Variants in RMDN2 observed in about 807,000 individuals in gnomAD.
The protein encoded by RMDN2 is regulator of microtubule dynamics protein 2.
RMDN2 carries 61 observed loss-of-function variants against 52.8 expected under a neutral mutation model. The ratio of observed to expected loss-of-function variants is 1.16; its 90% CI spans 0.94 to 1.43. The LOEUF (loss-of-function observed/expected upper bound fraction) is 1.43, where lower values mean the gene tolerates loss of function less well. Among genes scored for constraint, RMDN2 ranks in the 40% most tolerant of loss-of-function variants. RMDN2 has a pLI of 0.00. For missense variants in RMDN2, 592 were observed against 475.3 expected, an observed-to-expected ratio of 1.25 and a Z score of -2.28; for synonymous variants, 180 against 153.1, an observed-to-expected ratio of 1.18 and a Z score of -1.30.
chr2:37,977,603 G>C (rs918000982), intron 4 of RMDN2, among the ~76,000 whole-genome samples: 1 of 151,998 alleles, frequency 6.6e-6, no homozygotes, highest in Non-Finnish European at 1.5e-5. Flanking sequence ...TCACTTCTCA[G>C]ACCGGGCGGC....
At chr2:37,955,047 A>G (rs1415137339) in intron 2 of RMDN2, among the ~76,000 whole-genome samples, 1 of 152,112 alleles carries the variant, frequency 6.6e-6, no homozygotes, top group East Asian at 1.9e-4. Context: ...TTGATTTTCT[A>G]TCCTGCAATT....
downstream of RMDN2, among the ~76,000 whole-genome samples, chr2:38,018,219 AT>A (rs1402282822): frequency 1.3e-5 from 2 of 152,148 alleles, no homozygotes; most frequent in African/African-American, 4.8e-5. Flanking sequence ...TTTTTTCTTC[AT>A]TCGGAAAGCA....
chr2:37,948,930 C>G (rs72887120), intron 2 of RMDN2, among the ~76,000 whole-genome samples: 1 of 152,132 alleles, frequency 6.6e-6, no homozygotes, highest in Non-Finnish European at 1.5e-5. Flanking sequence ...GCTCAGTGAG[C>G]AGATGCTTCT....
chr2:37,934,988 G>A (rs970681827), intron 2 of RMDN2, among the ~76,000 whole-genome samples: 3 of 152,034 alleles, frequency 2.0e-5, no homozygotes, highest in African/African-American at 7.2e-5. Flanking sequence ...TTTCACTGTG[G>A]GCTTTAGGAA....
chr2:38,053,280 A>C (rs1274928650), intron 10 of RMDN2, among the ~76,000 whole-genome samples: 1 of 152,166 alleles, frequency 6.6e-6, no homozygotes, highest in Non-Finnish European at 1.5e-5. Context: ...CTAAGACCAA[A>C]TATACAACAA....
At chr2:38,028,579 C>T (rs1245165027) in intron 10 of RMDN2, among the ~76,000 whole-genome samples, 3 of 152,204 alleles carry the variant, frequency 2.0e-5, no homozygotes, top group Non-Finnish European at 2.9e-5. Flanking sequence ...AGCCCTTCTT[C>T]CCAGGGTGAG....
chr2:38,026,017 T>C (rs532345052), intron 10 of RMDN2, among the ~76,000 whole-genome samples: 3 of 152,112 alleles, frequency 2.0e-5, no homozygotes, highest in African/African-American at 7.2e-5. Context: ...CTATGTAGAA[T>C]TGATATCGTT....
At chr2:37,985,804 G>C (rs1191491820) in intron 5 of RMDN2, among the ~76,000 whole-genome samples, 1 of 152,056 alleles carries the variant, frequency 6.6e-6, no homozygotes, top group Non-Finnish European at 1.5e-5. Flanking sequence ...AGGAAGGATG[G>C]AGAGAAAGAT....
intron 2 of RMDN2, among the ~76,000 whole-genome samples, chr2:37,934,621 G>A (rs1262855634): frequency 1.3e-5 from 2 of 152,036 alleles, no homozygotes; most frequent in African/African-American, 4.8e-5. Context: ...GTTTCTTTCA[G>A]TAAGAATAGT....
At chr2:38,053,606 C>T (rs1356873125) in intron 10 of RMDN2, among the ~76,000 whole-genome samples, 1 of 152,060 alleles carries the variant, frequency 6.6e-6, no homozygotes, top group Non-Finnish European at 1.5e-5. Flanking sequence ...TTATTAATTC[C>T]AATAGTAACT....
chr2:37,939,224 C>G (rs1254911107), intron 2 of RMDN2, among the ~76,000 whole-genome samples: 1 of 152,130 alleles, frequency 6.6e-6, no homozygotes, highest in South Asian at 2.1e-4. Flanking sequence ...TTTCTTAATC[C>G]TGAGTTCTAG....
chr2:37,982,021 A>G (rs1271989612), intron 5 of RMDN2, among the ~76,000 whole-genome samples: 3 of 152,066 alleles, frequency 2.0e-5, no homozygotes, highest in Non-Finnish European at 2.9e-5. Context: ...CCAGCAATAC[A>G]GGTGCCCCAG....
intron 10 of RMDN2, chr2:38,027,349 A>G (rs1679853177): frequency 6.6e-6 from 1 of 152,166 alleles, no homozygotes; most frequent in Non-Finnish European, 1.5e-5. Flanking sequence ...CTTGAAAACC[A>G]TTCTTTTTAT....
chr2:38,051,502 A>G lies in RMDN2; in HGVS notation c.1714-15480A>G, dbSNP rs189439923. Among the ~76,000 whole-genome samples, 627 of 152,334 alleles carry G rather than the reference A, an allele frequency of 4.1e-3. 6 individuals are homozygous for G. The highest frequency in any genetic ancestry group is 8.8e-3 in the Admixed American group (134 of 15,296). On this transcript the variant is annotated intron_variant, in intron 10 of 10. Transcript: ENST00000234195. Reference sequence around the variant, plus strand: ...TCAAATTGGGGTATTTATGATATCCAATCACCTTTAACATTTGTCATTTCT... The same window carrying G: ...TCAAATTGGGGTATTTATGATATCCGATCACCTTTAACATTTGTCATTTCT...
At chr2:38,013,831 T>C (rs546998511) in intron 10 of RMDN2, among the ~76,000 whole-genome samples, 1 of 152,370 alleles carries the variant, frequency 6.6e-6, no homozygotes, top group African/African-American at 2.4e-5. Flanking sequence ...TGCCCATTTC[T>C]TTCTGGTTGA....
rs976616221 is a variant in RMDN2, at chr2:37,935,766, G to T, written c.452+6037G>T. Among the ~76,000 whole-genome samples, 8 of 151,898 alleles carry T rather than the reference G, an allele frequency of 5.3e-5. No homozygotes were observed. The East Asian group carries it at 1.4e-3, about 26-fold the overall frequency. On this transcript the variant is annotated intron_variant, in intron 2 of 10. Coordinates refer to ENST00000354545, the MANE Select transcript of RMDN2 (RefSeq NM_001170791.3). ...AACATGTTTTGCAATAAATTTTTTT[G>T]AGTTTTTTCCATATTGATATGTATA...
chr2:38,044,923 T>C (rs1326951344), intron 10 of RMDN2, among the ~76,000 whole-genome samples: 1 of 152,168 alleles, frequency 6.6e-6, no homozygotes, highest in Non-Finnish European at 1.5e-5. Context: ...ATTACTTGAT[T>C]TGGCAAGTGA....
chr2:38,034,619 A>T (rs1430783931), intron 10 of RMDN2, among the ~76,000 whole-genome samples: 1 of 151,876 alleles, frequency 6.6e-6, no homozygotes, highest in African/African-American at 2.4e-5. Flanking sequence ...TTTTAATTTT[A>T]AAAATTTATT....
In RMDN2 at chr2:37,997,588, G is replaced by A. The variant is rs748217250; in HGVS notation, c.1044+74G>A. On this transcript the variant is annotated intron_variant, in intron 8 of 10. Transcript: ENST00000354545. ...CACCAATCCCTGCTGCCGTTGTCAA[G>A]GAAATCTTTTCTCCATGTGGAGCCT... 6 of 998,968 alleles carry A rather than the reference G, an allele frequency of 6.0e-6. 1 individual carries two copies. Among genetic ancestry groups the A allele is most frequent in the Non-Finnish European group, 9.4e-6 (6 of 635,014 alleles). The allele number at this position is 998,968 out of a possible 1,614,324, so 61.9% of individuals were successfully genotyped here.
Sources: allele counts gnomAD v4.1 joint callset (sites outside exome capture counted in the v4.1 genomes callset), GRCh38; gene constraint gnomAD v4.1.1; transcripts MANE v1.5; gene names NCBI Gene and HGNC (gene_info 2026-07-23, HGNC 2026-07-21).